The following ANKRD40CL variants were observed in gnomAD, a reference collection of about 807,000 sequenced individuals.
The protein encoded by ANKRD40CL is putative ANKRD40 C-terminal-like protein.
For missense variants in ANKRD40CL, 11 were observed against 6.4 expected, an observed-to-expected ratio of 1.71 and a Z score of -0.77; for synonymous variants, 5 against 2.3, an observed-to-expected ratio of 2.14 and a Z score of -1.04.
intron 3 of ANKRD40CL, 120 bp from the exon 4 acceptor site, chr17:50,761,626 C>T: frequency 2.7e-6 from 1 of 372,624 alleles, no homozygotes. Flanking sequence ...TTTTTTGAGA[C>T]AGAGTCTTGC....
At chr17:50,765,118 AC>A (rs1255105820) in intron 2 of ANKRD40CL, 1 of 152,242 alleles carries the variant, frequency 6.6e-6, no homozygotes, top group African/African-American at 2.4e-5. Flanking sequence ...GCTTCTTGTC[AC>A]ATGAGATAAG....
chr17:50,761,786 G>A (rs1282907074), intron 3 of ANKRD40CL, among the ~76,000 whole-genome samples: 1 of 151,878 alleles, frequency 6.6e-6, no homozygotes, highest in Non-Finnish European at 1.5e-5. Flanking sequence ...ATCATGCCCG[G>A]CTAATTTTTG....
intron 2 of ANKRD40CL, chr17:50,764,111 A>G (rs951484636): frequency 1.3e-5 from 5 of 398,568 alleles, no homozygotes; most frequent in Non-Finnish European, 2.2e-5. Flanking sequence ...CCAAATGGAA[A>G]GCAGATGGTC....
At chr17:50,763,845 T>A (rs1376937692) in intron 2 of ANKRD40CL, 2 of 370,970 alleles carry the variant, frequency 5.4e-6, no homozygotes, top group Admixed American at 9.1e-5. Flanking sequence ...CAATGGATAT[T>A]TAAACACATC....
chr17:50,764,297 T>C (rs1011402120), intron 2 of ANKRD40CL: 2 of 398,480 alleles, frequency 5.0e-6, no homozygotes, highest in Admixed American at 4.4e-5. Flanking sequence ...ACCAGTTGGC[T>C]GTCTGCCAGA....
intron 2 of ANKRD40CL, chr17:50,764,479 T>G (rs560017770): frequency 2.7e-6 from 1 of 364,772 alleles, no homozygotes; most frequent in East Asian, 3.9e-5. Flanking sequence ...TTTTAAATGG[T>G]GCGTAATCTG....
rs763697955 is a variant in ANKRD40CL, at chr17:50,761,416, A to T, written c.292T>A (p.Ser98Thr). ...GSSRLTEYVP[S>T]LTERPCYDSK... ...TCATAGCAGGGCCTTTCTGTCAGAG[A>T]TGGCACATATTCTGTCAATCTGGAG... Residue 98 changes from serine to threonine, a missense_variant, in exon 4 of 4, where the codon TCT (serine) becomes ACT (threonine). Physicochemically the swap from Ser to Thr is moderately conservative, Grantham distance 58. Transcript: ENST00000450727. 1.4e-4 allele frequency: 57 copies of T among 398,834 alleles called. No homozygotes were observed. The highest frequency in any genetic ancestry group is 2.3e-4 in the Non-Finnish European group (53 of 226,042). The allele number at this position is 398,834 out of a possible 1,614,324, so 24.7% of individuals were successfully genotyped here.
At chr17:50,762,641 A>G (rs1019705948) in intron 3 of ANKRD40CL, among the ~76,000 whole-genome samples, 1 of 152,226 alleles carries the variant, frequency 6.6e-6, no homozygotes, top group African/African-American at 2.4e-5. Context: ...CCAAAGAAAT[A>G]AGATTTCCTT....
At chr17:50,763,347 A>G (rs930056307) in intron 3 of ANKRD40CL, 50 bp downstream of exon 3, 1 of 398,966 alleles carries the variant, frequency 2.5e-6, no homozygotes, top group Non-Finnish European at 4.4e-6. Context: ...GCTCCAGAGA[A>G]CATGATGTCA....
chr17:50,767,193 C>T (rs571427558), intron 1 of ANKRD40CL, 182 bp from the exon 2 acceptor site: 51 of 619,440 alleles, frequency 8.2e-5, no homozygotes, highest in Admixed American at 6.1e-4. Flanking sequence ...CACTGGAAGA[C>T]GGTGCAGGCC....
Position 50,766,924 on chromosome 17 carries a change from T to G in ANKRD40CL, c.-11A>C, listed in dbSNP as rs2143170197. ...TTCCGGTTCAGCCATGAGTCACCTC[T>G]AGTCCGTCAGATGTGCAGCCCCTCT... On this transcript the variant is annotated 5_prime_UTR_variant, in exon 2 of 4. It removes the in-frame stop codon of an upstream open reading frame in the 5' UTR. Coordinates refer to ENST00000450727, the MANE Select transcript of ANKRD40CL (RefSeq NM_001358683.3). The G allele has an allele frequency of 2.9e-6, 2 of 699,444 alleles. 1 individual carries two copies. Among genetic ancestry groups the G allele is most frequent in the African/African-American group, 3.6e-5 (2 of 56,172 alleles). The allele number at this position is 699,444 out of a possible 1,614,324, so 43.3% of individuals were successfully genotyped here.
Position 50,766,892 on chromosome 17 carries a change from T to C in ANKRD40CL, c.22A>G (p.Ile8Val), listed in dbSNP as rs866732705. The change falls in exon 2 of 4, where the codon ATC (isoleucine) becomes GTC (valine). Residue 8 changes from isoleucine to valine, a missense_variant. Ile to Val is a conservative substitution (Grantham distance 29, BLOSUM62 3). Coordinates refer to ENST00000450727, the MANE Select transcript of ANKRD40CL (RefSeq NM_001358683.3). ...GACTCACCTGCTGGCTTCTCCCCGA[T>C]GTCCTGTTCCGGTTCAGCCATGAGT... is the stretch of plus-strand genomic sequence containing the variant. The part of the protein sequence containing the change: MAEPEQD[I>V]GEKPAVRIQN... 1.5e-6 allele frequency: 1 copy of C among 677,102 alleles called. No individual in the cohort carries two copies. The highest frequency in any genetic ancestry group is 2.7e-6 in the Non-Finnish European group (1 of 370,864). 41.9% of individuals were successfully genotyped at this position (677,102 alleles called of 1,614,324 possible).
intron 2 of ANKRD40CL, among the ~76,000 whole-genome samples, chr17:50,765,624 T>C (rs1420678949): frequency 6.6e-6 from 1 of 152,174 alleles, no homozygotes; most frequent in African/African-American, 2.4e-5. Context: ...GAAGCCAATT[T>C]CCCCTTCTCA....
At chr17:50,767,218 G>A (rs532367591) in intron 1 of ANKRD40CL, 17 of 590,770 alleles carry the variant, frequency 2.9e-5, no homozygotes, top group Non-Finnish European at 4.8e-5. Context: ...GTACTCACCC[G>A]AGGGAATGGT....
chr17:50,763,833 T>C (rs1342107289), intron 2 of ANKRD40CL: 1 of 372,306 alleles, frequency 2.7e-6, no homozygotes, highest in South Asian at 1.5e-4. Context: ...ATTTAAAATA[T>C]GCAATGGATA....
chr17:50,766,634 C>T (rs1971322242), intron 2 of ANKRD40CL: 1 of 460,974 alleles, frequency 2.2e-6, no homozygotes, highest in Non-Finnish European at 3.8e-6. Flanking sequence ...GGTACAACTT[C>T]CTAGCAGTTG....
At chr17:50,767,233 TTCG>T in intron 1 of ANKRD40CL, 1 of 557,252 alleles carries the variant, frequency 1.8e-6, no homozygotes, top group South Asian at 1.5e-5. Flanking sequence ...AATGGTGCCC[TTCG>T]GAGGGGAGGC....
chr17:50,766,333 C>T (rs1971314335), intron 2 of ANKRD40CL, among the ~76,000 whole-genome samples: 1 of 152,172 alleles, frequency 6.6e-6, no homozygotes, highest in African/African-American at 2.4e-5. Context: ...ACGAGGCCTT[C>T]CTGCCTCACT....
intron 3 of ANKRD40CL, among the ~76,000 whole-genome samples, chr17:50,762,297 C>A (rs1033143151): frequency 3.3e-5 from 5 of 152,092 alleles, no homozygotes; most frequent in Non-Finnish European, 7.4e-5. Flanking sequence ...ACACTATAAG[C>A]CAAGACACCA....
Sources: gnomAD v4.1 joint callset for allele counts (sites outside exome capture counted in the v4.1 genomes callset) on GRCh38, gnomAD v4.1.1 for gene constraint, MANE v1.5 for transcripts, NCBI Gene and HGNC (gene_info 2026-07-23, HGNC 2026-07-21) for gene names.